PCSK5: variants seen among roughly 807,000 people sequenced by gnomAD.
PCSK5 encodes the protein proprotein convertase subtilisin/kexin type 5, also known as prohormone convertase 5.
PCSK5 carries 129 observed loss-of-function variants against 233.2 expected under a neutral mutation model. The ratio of observed to expected loss-of-function variants is 0.55; its 90% CI spans 0.48 to 0.64. The LOEUF is 0.64. PCSK5 is among the 30% of genes least tolerant of loss of function. PCSK5 has a pLI of 0.00. For missense variants in PCSK5, 2,076 were observed against 2,430.1 expected (o/e 0.85, Z 3.06); for synonymous variants, 825 against 879.2 (o/e 0.94, Z 1.09).
At chr9:76,009,481 G>T (rs1365784729) in intron 3 of PCSK5, among the ~76,000 whole-genome samples, 1 of 151,896 alleles carries the variant, frequency 6.6e-6, no homozygotes, top group Non-Finnish European at 1.5e-5. Context: ...ACAAAAATTA[G>T]CCAGGCATGG....
intron 9 of PCSK5, among the ~76,000 whole-genome samples, chr9:76,110,134 A>T (rs1380216577): frequency 6.6e-6 from 1 of 152,178 alleles, no homozygotes; most frequent in Non-Finnish European, 1.5e-5. Context: ...AGCAAGATCT[A>T]CAAGATACGC....
In PCSK5 at chr9:76,332,978, C is replaced by A. The variant is rs79307397; in HGVS notation, c.4748+368C>A. On this transcript the variant is annotated intron_variant, in intron 34 of 37. Coordinates refer to ENST00000674117, the MANE Select transcript of PCSK5 (RefSeq NM_001372043.1). ...GATCACTTAAGGCAGGAGTTTGAAC[C>A]AGTATGGGCAACATCTTGAGACCCC... 8.5e-3 allele frequency among the ~76,000 whole-genome samples: 1,301 copies of A among 152,312 alleles called. 12 individuals carry two copies. The highest frequency in any genetic ancestry group is 0.03 in the African/African-American group (1,235 of 41,574).
At chr9:75,912,807 T>C (rs1340575244) in intron 1 of PCSK5, among the ~76,000 whole-genome samples, 1 of 152,210 alleles carries the variant, frequency 6.6e-6, no homozygotes, top group East Asian at 1.9e-4. Flanking sequence ...GTTTCAGTCA[T>C]CTGAATATCG....
At chr9:76,351,084 C>A (rs1336672655) in intron 36 of PCSK5, among the ~76,000 whole-genome samples, 156 bp downstream of exon 36, 2 of 152,126 alleles carry the variant, frequency 1.3e-5, no homozygotes, top group Non-Finnish European at 2.9e-5. Flanking sequence ...ACCGTTGCAT[C>A]ATGGAATAAT....
intron 3 of PCSK5, among the ~76,000 whole-genome samples, chr9:76,021,143 C>T (rs1455207559): frequency 1.3e-5 from 2 of 151,938 alleles, no homozygotes; most frequent in African/African-American, 4.8e-5. Flanking sequence ...GAGAATATGC[C>T]CCCATTTTTG....
intron 9 of PCSK5, among the ~76,000 whole-genome samples, chr9:76,118,092 A>G (rs929867801): frequency 6.6e-5 from 10 of 152,072 alleles, no homozygotes; most frequent in African/African-American, 1.9e-4. Flanking sequence ...ATTCAATTCT[A>G]TAATTTTCAT....
chr9:76,322,302 C>T (rs1024456197), intron 31 of PCSK5, among the ~76,000 whole-genome samples: 3 of 152,138 alleles, frequency 2.0e-5, no homozygotes, highest in African/African-American at 7.2e-5. Flanking sequence ...AGCCACAAAA[C>T]ACAGAGGTAG....
intron 35 of PCSK5, among the ~76,000 whole-genome samples, chr9:76,349,587 G>A (rs1224728366): frequency 6.6e-6 from 1 of 152,156 alleles, no homozygotes; most frequent in Non-Finnish European, 1.5e-5. Flanking sequence ...GCCATGAAAC[G>A]TCAATTTAAC....
chr9:75,908,915 C>A (rs1334396445), intron 1 of PCSK5, among the ~76,000 whole-genome samples: 2 of 128,412 alleles, frequency 1.6e-5, no homozygotes, highest in African/African-American at 5.9e-5. Context: ...ATCTATCTAT[C>A]TATCTATCTC....
chr9:76,038,703 T>G (rs995908777), intron 5 of PCSK5, among the ~76,000 whole-genome samples: 3 of 152,130 alleles, frequency 2.0e-5, no homozygotes, highest in Non-Finnish European at 2.9e-5. Flanking sequence ...TTTGTTGAAA[T>G]GTAATTCGTA....
intron 2 of PCSK5, among the ~76,000 whole-genome samples, chr9:75,979,809 C>T (rs1239632323): frequency 6.6e-6 from 1 of 152,186 alleles, no homozygotes; most frequent in Non-Finnish European, 1.5e-5. Flanking sequence ...TAATCCCTTC[C>T]TCCATAATCA....
intron 8 of PCSK5, among the ~76,000 whole-genome samples, chr9:76,102,928 G>T (rs1477592332): frequency 6.6e-6 from 1 of 152,176 alleles, no homozygotes; most frequent in Non-Finnish European, 1.5e-5. Flanking sequence ...ACATTATGGA[G>T]ATACAAAAGT....
intron 1 of PCSK5, among the ~76,000 whole-genome samples, chr9:75,901,573 C>T (rs564472798): frequency 4.0e-5 from 6 of 149,728 alleles, no homozygotes; most frequent in Admixed American, 1.3e-4. Flanking sequence ...ACCACCATGG[C>T]ACATGTATAC....
chr9:76,189,843 T>C lies in PCSK5; in HGVS notation c.2626+97T>C, dbSNP rs968014562. The C allele has an allele frequency of 2.2e-4, 150 of 668,420 alleles. 1 individual carries two copies. Among genetic ancestry groups the C allele is most frequent in the Non-Finnish European group, 1.8e-4 (67 of 377,330 alleles). The allele number at this position is 668,420 out of a possible 1,614,324, so 41.4% of individuals were successfully genotyped here. On this transcript the variant is annotated intron_variant, in intron 20 of 37. Transcript: ENST00000674117. ...CCACTTAAAAAAGAAACTCACAGCATGCATCAGATATGACATGCTCAATAT... is the reference window on the plus strand; with the variant it reads ...CCACTTAAAAAAGAAACTCACAGCACGCATCAGATATGACATGCTCAATAT...
rs112879369 is a variant in PCSK5, at chr9:75,950,576, A to G, written c.297+18093A>G. On this transcript the variant is annotated intron_variant, in intron 2 of 37. Transcript: ENST00000674117. The stretch of plus-strand genomic sequence containing the variant: ...AAGAATTTTCAACCAAGAATTTCAT[A>G]TCCAGCCAAACTAAGCTTCATAAGT... Among the ~76,000 whole-genome samples the G allele has an allele frequency of 2.0e-3, 307 of 152,346 alleles. 2 individuals are homozygous for G. Among genetic ancestry groups the G allele is most frequent in the African/African-American group, 6.4e-3 (266 of 41,578 alleles).
rs1188608396 is a variant in PCSK5 at position 75,898,651 on chromosome 9, G to T, written c.192+7278G>T. Among the ~76,000 whole-genome samples the T allele has an allele frequency of 3.1e-5, 4 of 127,686 alleles. No individual in the cohort carries two copies. In the Admixed American group the frequency reaches 3.2e-4, roughly 10 times the overall value. 83.8% of individuals were successfully genotyped at this position (127,686 alleles called of 152,430 possible). A position where few individuals can be genotyped will look rare whatever the true frequency, so the allele number is the denominator to read the frequency against. On this transcript the variant is annotated intron_variant, in intron 1 of 37. Transcript: ENST00000674117. ...GCTGTTACTAGAATAAGAGAAAAGA[G>T]ATGTGGGATAAGAAAAAAAAAAAAA...
intron 24 of PCSK5, among the ~76,000 whole-genome samples, chr9:76,285,285 T>C (rs1828028881): frequency 6.6e-6 from 1 of 152,174 alleles, no homozygotes; most frequent in Non-Finnish European, 1.5e-5. Flanking sequence ...GTTGAGATTG[T>C]CTGGGAGAAG....
intron 20 of PCSK5, among the ~76,000 whole-genome samples, chr9:76,206,741 T>C (rs1206363986): frequency 6.6e-6 from 1 of 152,246 alleles, no homozygotes; most frequent in Non-Finnish European, 1.5e-5. Flanking sequence ...CAGCTAATAA[T>C]GGCAGAGCTC....
intron 2 of PCSK5, among the ~76,000 whole-genome samples, chr9:75,947,682 G>A (rs1270466360): frequency 6.6e-6 from 1 of 152,140 alleles, no homozygotes; most frequent in Non-Finnish European, 1.5e-5. Context: ...TGGCAGTCAT[G>A]GGATTCCCTT....
Sources: allele counts gnomAD v4.1 joint callset (sites outside exome capture counted in the v4.1 genomes callset), GRCh38; gene constraint gnomAD v4.1.1; transcripts MANE v1.5; gene names NCBI Gene and HGNC (gene_info 2026-07-23, HGNC 2026-07-21).